Variants in TMEM184B observed in about 807,000 individuals in gnomAD.
The protein encoded by TMEM184B is putative MAPK-activating protein FM08.
In TMEM184B, 17 loss-of-function variants were observed where a neutral mutation model predicts 41.8. The observed-to-expected ratio is 0.41, with a 90% confidence interval of 0.28 to 0.61. The LOEUF is 0.61. Among genes scored for constraint, TMEM184B ranks in the 20% least tolerant of loss-of-function variants. TMEM184B has a pLI of 0.34. For missense variants in TMEM184B, 393 were observed against 557.8 expected (o/e 0.70, Z 2.98); for synonymous variants, 240 against 229.5 (o/e 1.05, Z -0.41).
chr22:38,240,864 G>A (rs2091890871), intron 3 of TMEM184B, among the ~76,000 whole-genome samples: 1 of 151,780 alleles, frequency 6.6e-6, no homozygotes, highest in Non-Finnish European at 1.5e-5. Context: ...AAAATTCAAA[G>A]GGAGAAGGAT....
intron 1 of TMEM184B, chr22:38,272,631 G>A (rs1343012611): frequency 3.7e-5 from 36 of 985,364 alleles, no homozygotes; most frequent in Non-Finnish European, 4.3e-5. Context: ...AGCTGCCCCC[G>A]CCACGTTGGC....
At chr22:38,255,975 T>TA (rs2092271603) in intron 1 of TMEM184B, among the ~76,000 whole-genome samples, 1 of 152,166 alleles carries the variant, frequency 6.6e-6, no homozygotes, top group South Asian at 2.1e-4. Context: ...TACATGAATC[T>TA]ACATGTGATA....
At chr22:38,254,137 G>T (rs1235796814) in intron 1 of TMEM184B, among the ~76,000 whole-genome samples, 5 of 149,444 alleles carry the variant, frequency 3.3e-5, no homozygotes, top group Non-Finnish European at 7.4e-5. Context: ...GAAGGCAGAG[G>T]TTGCAGTGAG....
rs2146038904 is a variant in TMEM184B, at chr22:38,220,046, C to T, written c.*1423G>A. The T allele has an allele frequency of 1.4e-5, 14 of 985,560 alleles. No individual in the cohort carries two copies. Among genetic ancestry groups the T allele is most frequent in the African/African-American group, 1.7e-5 (1 of 57,376 alleles). The allele number at this position is 985,560 out of a possible 1,614,324, so 61.1% of individuals were successfully genotyped here. ...GGCAGGGTCCCTCTCCCTTACCCTA[C>T]CAGCTTCTCCAGGTGACTGCAGCCC... On this transcript the variant is annotated 3_prime_UTR_variant, in exon 9 of 9. Coordinates refer to ENST00000361906, the MANE Select transcript of TMEM184B (RefSeq NM_012264.5).
Position 38,221,878 on chromosome 22 carries a change from G to A in TMEM184B, c.983-168C>T, listed in dbSNP as rs561237441. ...GGGGTCCAGGATATGAGAAGGGGCA[G>A]GAAAAAATGGACTTCTTTGGCTGGG... On this transcript the variant is annotated intron_variant, in intron 8 of 8. Transcript: ENST00000361906. The A allele has an allele frequency of 1.2e-5, 12 of 995,276 alleles. No homozygotes were observed. The East Asian group carries it at 2.9e-4, about 24-fold the overall frequency. The allele number at this position is 995,276 out of a possible 1,614,324, so 61.7% of individuals were successfully genotyped here. A position where few individuals can be genotyped will look rare whatever the true frequency, so the allele number is the denominator to read the frequency against.
At chr22:38,263,347 C>A (rs1193117713) in intron 1 of TMEM184B, among the ~76,000 whole-genome samples, 2 of 152,170 alleles carry the variant, frequency 1.3e-5, no homozygotes, top group African/African-American at 2.4e-5. Flanking sequence ...TGCCCAGAGA[C>A]CCCCTGGGCA....
At position 38,221,401 on chromosome 22, in the gene TMEM184B, G is replaced by T; in HGVS notation, c.*68C>A. 1 of 1,520,472 alleles carries T rather than the reference G, an allele frequency of 6.6e-7. No homozygotes were observed. The allele number at this position is 1,520,472 out of a possible 1,614,324, so 94.2% of individuals were successfully genotyped here. A position where few individuals can be genotyped will look rare whatever the true frequency, so the allele number is the denominator to read the frequency against. On this transcript the variant is annotated 3_prime_UTR_variant, in exon 9 of 9. Coordinates refer to ENST00000361906, the MANE Select transcript of TMEM184B (RefSeq NM_012264.5). The stretch of plus-strand genomic sequence containing the variant: ...GCCAGCTGCCTCCTGGCCTGGTGGT[G>T]AGGCTGGAGGTGGGGCACAGCCTGA...
intron 3 of TMEM184B, among the ~76,000 whole-genome samples, chr22:38,235,038 T>C (rs1291696596): frequency 6.6e-6 from 1 of 152,180 alleles, no homozygotes; most frequent in Non-Finnish European, 1.5e-5. Context: ...TCCTTGCAGG[T>C]AGAATGCAGT....
chr22:38,222,536 G>A, intron 8 of TMEM184B: 1 of 959,874 alleles, frequency 1.0e-6, no homozygotes, highest in Non-Finnish European at 1.2e-6. Flanking sequence ...GGGTGCCGGT[G>A]GGGAGGAGAT....
At chr22:38,271,065 G>C (rs1319691121) in intron 1 of TMEM184B, among the ~76,000 whole-genome samples, 1 of 152,188 alleles carries the variant, frequency 6.6e-6, no homozygotes, top group Non-Finnish European at 1.5e-5. Context: ...CCACCACCGT[G>C]GGTGCAACAA....
At chr22:38,231,469 G>T in intron 3 of TMEM184B, 135 bp from the exon 4 acceptor site, 1 of 797,928 alleles carries the variant, frequency 1.3e-6, no homozygotes, top group Non-Finnish European at 2.2e-6. Context: ...GGGACATAAG[G>T]TTGTGCAAAA....
chr22:38,245,858 CGG>C (rs1296956705), intron 3 of TMEM184B, 75 bp downstream of exon 3: 6 of 1,431,566 alleles, frequency 4.2e-6, no homozygotes, highest in Non-Finnish European at 5.7e-6. Flanking sequence ...TGAAGCCCCT[CGG>C]GGAGGAATGT....
intron 1 of TMEM184B, among the ~76,000 whole-genome samples, chr22:38,258,998 G>A (rs2092327884): frequency 1.3e-5 from 2 of 152,080 alleles, no homozygotes. Flanking sequence ...TGAGAATGTG[G>A]CAGGAGCTGG....
intron 1 of TMEM184B, among the ~76,000 whole-genome samples, chr22:38,252,494 C>T (rs1720362971): frequency 6.6e-6 from 1 of 152,182 alleles, no homozygotes; most frequent in Non-Finnish European, 1.5e-5. Flanking sequence ...ACCGGCAGAC[C>T]CAGCCTCAGC....
chr22:38,228,982 G>C lies in TMEM184B; in HGVS notation c.525+1687C>G, dbSNP rs144455200. Among the ~76,000 whole-genome samples the C allele has an allele frequency of 2.4e-4, 36 of 152,324 alleles. 1 individual carries two copies. In the East Asian group the frequency reaches 6.7e-3, roughly 29 times the overall value. On this transcript the variant is annotated intron_variant, in intron 5 of 8. Coordinates refer to ENST00000361906, the MANE Select transcript of TMEM184B (RefSeq NM_012264.5). ...CTCTCAATGCCCCACCCTGAACCCA[G>C]GATAGTTTTAACTCTTTCCCTGCAG... is the stretch of plus-strand genomic sequence containing the variant.
At chr22:38,246,735 G>T in intron 2 of TMEM184B, 1 of 1,133,246 alleles carries the variant, frequency 8.8e-7, no homozygotes, top group South Asian at 1.6e-5. Flanking sequence ...GAAGTTAGGA[G>T]AATGAATGCT....
intron 5 of TMEM184B, among the ~76,000 whole-genome samples, chr22:38,228,725 G>T (rs904023281): frequency 6.6e-6 from 1 of 152,260 alleles, no homozygotes; most frequent in African/African-American, 2.4e-5. Context: ...TCTCGCCCTG[G>T]TAAAGAAAGG....
In TMEM184B at chr22:38,230,698, A is replaced by T; in HGVS notation, c.496T>A (p.Ser166Thr). Residue 166 changes from serine to threonine, a missense_variant, in exon 5 of 9, where the codon TCC (serine) becomes ACC (threonine). Transcript: ENST00000361906. ...TTGCAGAACCTCAGAAATCCGATGG[A>T]ATAAGTCTTTCCCCAGAGGCAGCAG... ...GTCCLWGKTYSIGFLRFCKQA... is the reference protein window; with the variant it reads ...GTCCLWGKTYTIGFLRFCKQA... 11 of 1,612,524 alleles carry T rather than the reference A, an allele frequency of 6.8e-6. No individual in the cohort carries two copies. Among genetic ancestry groups the T allele is most frequent in the Non-Finnish European group, 9.3e-6 (11 of 1,179,450 alleles).
chr22:38,271,808 G>A (rs946585553), intron 1 of TMEM184B, among the ~76,000 whole-genome samples: 1 of 152,162 alleles, frequency 6.6e-6, no homozygotes, highest in African/African-American at 2.4e-5. Context: ...AGCACCCTAG[G>A]CAAGGTTCAG....
Sources: allele counts gnomAD v4.1 joint callset (sites outside exome capture counted in the v4.1 genomes callset), GRCh38; gene constraint gnomAD v4.1.1; transcripts MANE v1.5; gene names NCBI Gene and HGNC (gene_info 2026-07-23, HGNC 2026-07-21).